Variants in AGO4 observed in about 807,000 individuals in gnomAD.
AGO4 encodes protein argonaute-4.
A neutral mutation model predicts 104.7 loss-of-function variants in AGO4; 33 were observed. The observed-to-expected ratio is 0.32, with a 90% CI of 0.24 to 0.42. The LOEUF is 0.42. Ranked by LOEUF, AGO4 falls within the 10% of genes least tolerant of loss-of-function variation. The pLI is 1.00. For missense variants in AGO4, 711 were observed against 1,083.4 expected, an observed-to-expected ratio of 0.66 and a Z score of 4.83; for synonymous variants, 331 against 364.7, an observed-to-expected ratio of 0.91 and a Z score of 1.05.
intron 3 of AGO4, 125 bp downstream of exon 3, chr1:35,823,107 C>T: frequency 8.6e-7 from 1 of 1,157,616 alleles, no homozygotes; most frequent in East Asian, 2.6e-5. Flanking sequence ...TCCTAATTAA[C>T]CTGATTTCAT....
chr1:35,839,653 G>A (rs927348416), intron 13 of AGO4, among the ~76,000 whole-genome samples: 1 of 152,052 alleles, frequency 6.6e-6, no homozygotes, highest in African/African-American at 2.4e-5. Flanking sequence ...GCCTATATAT[G>A]TCCGCTGTTA....
In AGO4 at chr1:35,808,281, A is replaced by C; in HGVS notation, c.-136A>C. ...CGGGCGCCGCCGCCGCCCCCTGCCC[A>C]GCGCCCGCGTCTCCGCGGCGCCACC... is the stretch of plus-strand genomic sequence containing the variant. On this transcript the variant is annotated 5_prime_UTR_variant, in exon 1 of 18. Coordinates refer to ENST00000373210, the MANE Select transcript of AGO4 (RefSeq NM_017629.4). The surrounding 1 kb of genome is among the most constrained non-coding windows in gnomAD (Gnocchi z 5.2). 2 of 346,468 alleles carry C rather than the reference A, an allele frequency of 5.8e-6. No homozygotes were observed. Among genetic ancestry groups the C allele is most frequent in the Non-Finnish European group, 4.1e-6 (1 of 246,574 alleles). The allele number at this position is 346,468 out of a possible 1,614,324, so 21.5% of individuals were successfully genotyped here. A position where few individuals can be genotyped will look rare whatever the true frequency, so the allele number is the denominator to read the frequency against.
chr1:35,822,992 A>G lies in AGO4; in HGVS notation c.306+10A>G. On this transcript the variant is annotated intron_variant, in intron 3 of 17. Transcript: ENST00000373210. ...AATTGGACGGGATAGGGTAAGTGTT[A>G]AGAGCAAGAAATACTTAGTTCATTT... 6.2e-7 allele frequency: 1 copy of G among 1,611,524 alleles called. No homozygotes were observed. The highest frequency in any genetic ancestry group is 8.5e-7 in the Non-Finnish European group (1 of 1,178,216).
chr1:35,824,122 A>G (rs1286327378), intron 3 of AGO4, among the ~76,000 whole-genome samples: 1 of 152,312 alleles, frequency 6.6e-6, no homozygotes, highest in African/African-American at 2.4e-5. Flanking sequence ...TAATAGCACA[A>G]TACTTTTTTA....
chr1:35,843,796 T>C (rs1282903683), intron 15 of AGO4, among the ~76,000 whole-genome samples: 1 of 152,214 alleles, frequency 6.6e-6, no homozygotes, highest in Admixed American at 6.5e-5. Context: ...TTGTTATCCA[T>C]GTAGATTTAA....
chr1:35,827,298 T>A (rs1194817376), intron 7 of AGO4, among the ~76,000 whole-genome samples: 1 of 151,738 alleles, frequency 6.6e-6, no homozygotes, highest in African/African-American at 2.4e-5. Flanking sequence ...GCCAGGCAGA[T>A]CACTTGAAGT....
chr1:35,853,264 A>AG (rs1644749326), intron 17 of AGO4, among the ~76,000 whole-genome samples: 3 of 151,834 alleles, frequency 2.0e-5, no homozygotes, highest in Non-Finnish European at 2.9e-5. Context: ...AAAAAAAAAA[A>AG]AAAAGAAATT....
At chr1:35,820,305 G>A (rs866553768) in intron 2 of AGO4, among the ~76,000 whole-genome samples, 2 of 152,152 alleles carry the variant, frequency 1.3e-5, no homozygotes, top group East Asian at 1.9e-4. Flanking sequence ...AGGGAGCACA[G>A]AAATAGAATG....
chr1:35,807,883 C>T (rs959851212), upstream of AGO4, among the ~76,000 whole-genome samples: 2 of 152,092 alleles, frequency 1.3e-5, no homozygotes, highest in African/African-American at 4.8e-5. Flanking sequence ...TTGCAGGACG[C>T]CCTGGGGGGA....
chr1:35,826,781 T>C lies in AGO4; in HGVS notation c.794T>C (p.Met265Thr), dbSNP rs1381084567. The stretch of plus-strand genomic sequence containing the variant: ...GTTGAGGTGACCCACTGTGGACAGA[T>C]GAAACGAAAATACCGAGTTTGTAAT... ...LKVEVTHCGQ[M>T]KRKYRVCNVT... The change falls in exon 7 of 18, where the codon ATG (methionine) becomes ACG (threonine). Residue 265 changes from methionine to threonine, a missense_variant. Around this residue, in one of 3 missense-constraint regions of AGO4, gnomAD observed 308 missense variants for 397.8 expected, o/e 0.77. Transcript: ENST00000373210. The C allele has an allele frequency of 6.8e-6, 11 of 1,614,162 alleles. No individual in the cohort carries two copies. Among genetic ancestry groups the C allele is most frequent in the Non-Finnish European group, 9.3e-6 (11 of 1,180,016 alleles).
At chr1:35,817,409 A>ATG (rs1643746045) in intron 2 of AGO4, among the ~76,000 whole-genome samples, 1 of 142,606 alleles carries the variant, frequency 7.0e-6, no homozygotes, top group Non-Finnish European at 1.6e-5. Context: ...CATGAGAAAG[A>ATG]TGTATATATA....
intron 2 of AGO4, among the ~76,000 whole-genome samples, chr1:35,818,625 A>AAAAGAAAGAAAGAAAGAAAGAAAGAAAG (rs60952067): frequency 7.3e-4 from 92 of 126,106 alleles, no homozygotes; most frequent in Middle Eastern, 3.7e-3. Flanking sequence ...CTCTGTCTCA[A>AAAAGAAAGAAAGAAAGAAAGAAAGAAAG]AAAGAAAGAA....
At chr1:35,849,356 A>G (rs1245887391) in intron 15 of AGO4, among the ~76,000 whole-genome samples, 1 of 151,788 alleles carries the variant, frequency 6.6e-6, no homozygotes, top group Non-Finnish European at 1.5e-5. Context: ...CCTGATAACC[A>G]TTTGCCAGTG....
rs142432459 is a variant in AGO4, at chr1:35,827,790, CTTTTT to C, written c.848+971_848+975del. On this transcript the variant is annotated intron_variant, in intron 7 of 17. Transcript: ENST00000373210. ...TTTTTTTTATTATACTGTTGTTATT[CTTTTT>C]TTTTTTTTTTTTTTTCTTTTGGAGA... Among the ~76,000 whole-genome samples the C allele has an allele frequency of 8.0e-3, 835 of 103,888 alleles. 3 individuals carry two copies. The highest frequency in any genetic ancestry group is 0.028 in the African/African-American group (794 of 28,292). The allele number at this position is 103,888 out of a possible 152,430, so 68.2% of individuals were successfully genotyped here. A position where few individuals can be genotyped will look rare whatever the true frequency, so the allele number is the denominator to read the frequency against.
rs200795748 is a variant in AGO4 at position 35,831,941 on chromosome 1, G to T, written c.1116+10G>T. ...AGAGATCAGTAGACTGGTCAGTAAG[G>T]CATGGTCTTCAAGATGAGCTAGCTT... On this transcript the variant is annotated intron_variant, in intron 9 of 17. Coordinates refer to ENST00000373210, the MANE Select transcript of AGO4 (RefSeq NM_017629.4). 1.3e-5 allele frequency: 21 copies of T among 1,612,984 alleles called. No homozygotes were observed. In the South Asian group the frequency reaches 1.5e-4, roughly 12 times the overall value.
At chr1:35,851,240 T>G (rs1423999177) in intron 17 of AGO4, 187 bp downstream of exon 17, 2 of 630,810 alleles carry the variant, frequency 3.2e-6, no homozygotes, top group East Asian at 2.8e-5. Context: ...TCAGGCTTGT[T>G]TATACTTGTG....
Position 35,841,019 on chromosome 1 carries a change from G to A in AGO4, c.1725-146G>A, listed in dbSNP as rs1408761471. 3 of 767,522 alleles carry A rather than the reference G, an allele frequency of 3.9e-6. No homozygotes were observed. The highest frequency in any genetic ancestry group is 6.2e-6 in the Non-Finnish European group (3 of 480,614). 47.5% of individuals were successfully genotyped at this position (767,522 alleles called of 1,614,324 possible). On this transcript the variant is annotated intron_variant, in intron 13 of 17. Coordinates refer to ENST00000373210, the MANE Select transcript of AGO4 (RefSeq NM_017629.4). The surrounding 1 kb of genome is among the most constrained non-coding windows in gnomAD (Gnocchi z 4.7). ...GTACTGGGTGACATCAATATTCAGT[G>A]GTCCGTAGTGTTCTTTCCCAATGGG...
chr1:35,826,605 T>C, intron 6 of AGO4, 143 bp from the exon 7 acceptor site: 2 of 727,294 alleles, frequency 2.7e-6, no homozygotes, highest in Admixed American at 4.4e-5. Context: ...TCAGGTTTTT[T>C]GCCTATAACG....
intron 1 of AGO4, among the ~76,000 whole-genome samples, chr1:35,816,050 T>C (rs1250843740): frequency 6.6e-6 from 1 of 152,208 alleles, no homozygotes; most frequent in African/African-American, 2.4e-5. Context: ...TATCAAGTTA[T>C]AAACGAGAAG....
Sources: gnomAD v4.1 joint callset for allele counts (sites outside exome capture counted in the v4.1 genomes callset) on GRCh38, gnomAD v4.1.1 for gene constraint, gnomAD v4.1.1 regional missense constraint, Gnocchi (gnomAD v3.1) non-coding constraint, MANE v1.5 for transcripts, NCBI Gene and HGNC (gene_info 2026-07-23, HGNC 2026-07-21) for gene names.